The following SMARCAD1 variants were observed in gnomAD, a reference collection of about 807,000 sequenced individuals.
The protein encoded by SMARCAD1 is SWI/SNF-related matrix-associated actin-dependent regulator of chromatin subfamily A containing DEAD/H box 1.
In SMARCAD1, 25 loss-of-function variants were observed where a neutral mutation model predicts 127.1. The observed-to-expected ratio is 0.20, with a 90% CI of 0.14 to 0.27. SMARCAD1 has a LOEUF of 0.27. Ranked by LOEUF, SMARCAD1 falls within the 10% of genes least tolerant of loss-of-function variation. The pLI, the probability that SMARCAD1 is intolerant of heterozygous loss-of-function variation, is 1.00. For missense variants in SMARCAD1, 807 were observed against 1,206.0 expected (o/e 0.67, Z 4.90); for synonymous variants, 400 against 396.9 (o/e 1.01, Z -0.09).
At chr4:94,215,674 C>G (rs1743059948) in intron 2 of SMARCAD1, among the ~76,000 whole-genome samples, 1 of 152,000 alleles carries the variant, frequency 6.6e-6, no homozygotes, top group South Asian at 2.1e-4. Flanking sequence ...TAGTCATTGT[C>G]ACTTCACCCT....
intron 6 of SMARCAD1, among the ~76,000 whole-genome samples, chr4:94,242,245 A>G (rs1033513467): frequency 9.3e-5 from 14 of 151,330 alleles, no homozygotes; most frequent in Non-Finnish European, 1.8e-4. Flanking sequence ...GAGTTACACC[A>G]TGTTGGCCAG....
intron 6 of SMARCAD1, among the ~76,000 whole-genome samples, chr4:94,245,802 A>G (rs534920576): frequency 6.6e-6 from 1 of 152,294 alleles, no homozygotes; most frequent in Admixed American, 6.5e-5. Flanking sequence ...TTGTATCTCT[A>G]ACAGTTTTTC....
chr4:94,269,762 A>G (rs1172476061), intron 10 of SMARCAD1, among the ~76,000 whole-genome samples: 1 of 152,010 alleles, frequency 6.6e-6, no homozygotes, highest in Non-Finnish European at 1.5e-5. Flanking sequence ...TCTGCCTCCC[A>G]GGCTCAGGTG....
chr4:94,270,150 G>A (rs1483766947), intron 10 of SMARCAD1, among the ~76,000 whole-genome samples: 2 of 151,658 alleles, frequency 1.3e-5, no homozygotes, highest in African/African-American at 4.8e-5. Flanking sequence ...AAAGTAGCAT[G>A]TAAGTGTCAA....
At chr4:94,256,633 G>A (rs1445403310) in intron 9 of SMARCAD1, among the ~76,000 whole-genome samples, 1 of 152,136 alleles carries the variant, frequency 6.6e-6, no homozygotes, top group Non-Finnish European at 1.5e-5. Flanking sequence ...CAAGTGCCGG[G>A]GTTACAGGCG....
Position 94,234,062 on chromosome 4 carries a change from T to A in SMARCAD1, c.477T>A (p.Asp159Glu). 6.2e-7 allele frequency: 1 copy of A among 1,613,680 alleles called. No individual in the cohort carries two copies. The highest frequency in any genetic ancestry group is 8.5e-7 in the Non-Finnish European group (1 of 1,179,786). Residue 159 changes from aspartate to glutamate, a missense_variant, in exon 4 of 24, where the codon GAT becomes GAA. Physicochemically the swap from Asp to Glu is conservative, Grantham distance 45. This residue lies in a region of SMARCAD1 where 48 missense variants were observed against 90.8 expected (regional missense o/e 0.53). Coordinates refer to ENST00000354268, the MANE Select transcript of SMARCAD1 (RefSeq NM_020159.5). ...EDLSELEDLK[D>E]AKLQTLKELF... Reference sequence around the variant, plus strand: ...TTTCGGAATTGGAAGACCTTAAAGATGCTAAACTTCAGACTTTGAAGGAAC... The same window carrying A: ...TTTCGGAATTGGAAGACCTTAAAGAAGCTAAACTTCAGACTTTGAAGGAAC...
At chr4:94,257,720 C>G (rs1750324120) in intron 9 of SMARCAD1, among the ~76,000 whole-genome samples, 2 of 152,170 alleles carry the variant, frequency 1.3e-5, no homozygotes, top group Admixed American at 6.5e-5. Context: ...TTTCCCCAGC[C>G]TGTTGCCCAT....
intron 8 of SMARCAD1, among the ~76,000 whole-genome samples, chr4:94,251,512 T>C (rs1182719721): frequency 1.3e-5 from 2 of 152,110 alleles, no homozygotes; most frequent in African/African-American, 2.4e-5. Context: ...TGATATTCTG[T>C]GGCAAAAAGA....
intron 6 of SMARCAD1, among the ~76,000 whole-genome samples, chr4:94,244,112 G>A (rs948904691): frequency 6.6e-6 from 1 of 152,162 alleles, no homozygotes; most frequent in African/African-American, 2.4e-5. Flanking sequence ...AGAAACAGAA[G>A]AAAAAGAAAG....
intron 11 of SMARCAD1, among the ~76,000 whole-genome samples, chr4:94,271,030 T>G (rs974568649): frequency 1.3e-5 from 2 of 152,180 alleles, no homozygotes; most frequent in African/African-American, 4.8e-5. Flanking sequence ...TCTTTCTGAT[T>G]ATCAGATTAG....
At chr4:94,278,351 G>A (rs945251932) in intron 16 of SMARCAD1, 71 bp from the exon 17 acceptor site, 55 of 1,297,676 alleles carry the variant, frequency 4.2e-5, no homozygotes, top group Admixed American at 7.1e-5. Context: ...TTTTTATGTT[G>A]TGTAATAATA....
At chr4:94,276,250 T>TA in intron 14 of SMARCAD1, 89 bp from the exon 15 acceptor site, 8 of 1,439,816 alleles carry the variant, frequency 5.6e-6, no homozygotes, top group Non-Finnish European at 7.7e-6. Context: ...AATGTGTAAA[T>TA]AAAAAATGAT....
chr4:94,216,310 C>G (rs540427540), intron 2 of SMARCAD1, among the ~76,000 whole-genome samples: 5 of 152,068 alleles, frequency 3.3e-5, no homozygotes, highest in African/African-American at 1.2e-4. Flanking sequence ...CATAGCACCC[C>G]CTTTGTTGTT....
Position 94,234,030 on chromosome 4 carries a change from G to A in SMARCAD1, c.445G>A (p.Glu149Lys). The A allele has an allele frequency of 1.9e-6, 3 of 1,613,756 alleles. No homozygotes were observed. The highest frequency in any genetic ancestry group is 2.5e-6 in the Non-Finnish European group (3 of 1,179,836). Residue 149 changes from glutamate (E) to lysine (K), a missense_variant, in exon 4 of 24, where the codon GAA becomes AAA. Transcript: ENST00000354268. The part of the protein sequence containing the change: ...ARRNDDISEL[E>K]DLSELEDLKD... The stretch of plus-strand genomic sequence containing the variant: ...TAGAAATGATGATATTTCAGAACTG[G>A]AAGACCTTTCGGAATTGGAAGACCT...
At chr4:94,234,594 C>A (rs1231879065) in intron 4 of SMARCAD1, among the ~76,000 whole-genome samples, 3 of 152,142 alleles carry the variant, frequency 2.0e-5, no homozygotes, top group Non-Finnish European at 4.4e-5. Context: ...ACTACAGAAA[C>A]AAAGGAGTAT....
chr4:94,282,347 C>T (rs548565211), intron 21 of SMARCAD1, among the ~76,000 whole-genome samples: 185 of 151,460 alleles, frequency 1.2e-3, no homozygotes, highest in East Asian at 0.01. Context: ...CCGCCCGCCT[C>T]GGCCTCCCAA....
chr4:94,276,768 C>G (rs1753364714), intron 15 of SMARCAD1, among the ~76,000 whole-genome samples: 1 of 152,078 alleles, frequency 6.6e-6, no homozygotes, highest in South Asian at 2.1e-4. Context: ...AATAATCTTT[C>G]ATCATCTCAT....
At chr4:94,210,621 A>G (rs963331983) in intron 2 of SMARCAD1, among the ~76,000 whole-genome samples, 3 of 152,062 alleles carry the variant, frequency 2.0e-5, no homozygotes, top group Non-Finnish European at 2.9e-5. Flanking sequence ...CAGGGTTTAG[A>G]TCCCTGATGG....
At chr4:94,275,109 CATTTTTTAGTTTGGTGTGT>C (rs1367349752) in intron 14 of SMARCAD1, 144 bp downstream of exon 14, 2 of 695,002 alleles carry the variant, frequency 2.9e-6, no homozygotes, top group Non-Finnish European at 5.1e-6. Flanking sequence ...AGGATTCAGG[CATTTTTTAGTTTGGTGTGT>C]AATACCCATA....
Sources: allele counts gnomAD v4.1 joint callset (sites outside exome capture counted in the v4.1 genomes callset), GRCh38; gene constraint gnomAD v4.1.1; regional missense constraint gnomAD v4.1.1; transcripts MANE v1.5; gene names NCBI Gene and HGNC (gene_info 2026-07-23, HGNC 2026-07-21).